ORC3: variants seen among roughly 807,000 people sequenced by gnomAD.
The protein encoded by ORC3 is origin recognition complex subunit 3, also known as homolog of latheo, Drosophila.
A neutral mutation model predicts 100.7 loss-of-function variants in ORC3; 78 were observed. That is an observed-to-expected ratio of 0.77 (90% CI 0.65 to 0.94). The LOEUF is 0.94. Among genes scored for constraint, ORC3 ranks in the 40% least tolerant of loss-of-function variants. The pLI is 0.00. For synonymous variants in ORC3, 295 were observed against 289.3 expected, an observed-to-expected ratio of 1.02 and a Z score of -0.20; for missense variants, 789 against 823.9, an observed-to-expected ratio of 0.96 and a Z score of 0.52.
chr6:87,607,570 C>T (rs41273295), intron 5 of ORC3, 103 bp from the exon 6 acceptor site: 41,060 of 749,416 alleles, frequency 0.055, 1,376 homozygotes, highest in African/African-American at 0.24. Context: ...AAAACACATT[C>T]TACCAAAAAA....
chr6:87,616,047 G>A (rs1302399344), intron 8 of ORC3, among the ~76,000 whole-genome samples: 3 of 151,632 alleles, frequency 2.0e-5, no homozygotes, highest in Non-Finnish European at 2.9e-5. Flanking sequence ...GTTAATAGGT[G>A]GTATTTTTTT....
intron 11 of ORC3, among the ~76,000 whole-genome samples, 188 bp downstream of exon 11, chr6:87,622,201 T>C (rs939045916): frequency 2.6e-5 from 4 of 152,168 alleles, no homozygotes; most frequent in African/African-American, 9.6e-5. Context: ...GCTCTAAAAG[T>C]TGAGGCTTTT....
chr6:87,676,171 C>CAATT, the ORC3 span, among the ~76,000 whole-genome samples: 94,407 of 151,468 alleles, frequency 0.62, 30,592 homozygotes, highest in African/African-American at 0.81. Context: ...TATTTCCTAA[C>CAATT]AAAAAGGCTG....
chr6:87,602,954 A>AATACATAT (rs1554236516), intron 3 of ORC3, among the ~76,000 whole-genome samples: 1 of 95,300 alleles, frequency 1.0e-5, no homozygotes, highest in African/African-American at 4.2e-5. Context: ...ACACATATAT[A>AATACATAT]ATATATATAT....
At chr6:87,661,993 T>C (rs1770217593) in intron 16 of ORC3, among the ~76,000 whole-genome samples, 1 of 152,222 alleles carries the variant, frequency 6.6e-6, no homozygotes. Flanking sequence ...TTTTATCATC[T>C]AGCTCATAGG....
chr6:87,662,146 C>T (rs752279334), intron 16 of ORC3, among the ~76,000 whole-genome samples: 10 of 152,002 alleles, frequency 6.6e-5, no homozygotes, highest in African/African-American at 1.7e-4. Context: ...ACTTTTGGGC[C>T]GGGTGCGGTG....
rs1238697733 is a variant in ORC3, at chr6:87,667,022, C to T, written c.2035C>T (p.Arg679Trp). 10 of 1,600,108 alleles carry T rather than the reference C, an allele frequency of 6.2e-6. No homozygotes were observed. Among genetic ancestry groups the T allele is most frequent in the South Asian group, 2.3e-5 (2 of 88,398 alleles). Residue 679 changes from arginine to tryptophan, a missense_variant, in exon 20 of 20, where the codon CGG (arginine) becomes TGG (tryptophan). Physicochemically the swap from Arg to Trp is moderately radical, Grantham distance 101 (BLOSUM62 -3). Coordinates refer to ENST00000392844, the MANE Select transcript of ORC3 (RefSeq NM_012381.4). ...TTCCTTAATTAAAGCCTCCAGTGCT[C>T]GGTTTATTAGAGCTGTTTCTGAACT... ...SEEMNEIIHA[R>W]FIRAVSELEL...
intron 13 of ORC3, among the ~76,000 whole-genome samples, chr6:87,645,209 A>G (rs1456796876): frequency 6.6e-6 from 1 of 152,214 alleles, no homozygotes; most frequent in African/African-American, 2.4e-5. Context: ...TGGTCAAATC[A>G]TTGACATGAA....
intron 16 of ORC3, among the ~76,000 whole-genome samples, chr6:87,662,718 C>A (rs1770286842): frequency 1.3e-5 from 2 of 152,048 alleles, no homozygotes; most frequent in Non-Finnish European, 2.9e-5. Context: ...TATACAGCTT[C>A]TTATAAAGAG....
the ORC3 span, chr6:87,675,859 C>G: frequency 6.2e-7 from 1 of 1,612,938 alleles, no homozygotes; most frequent in Non-Finnish European, 8.5e-7. Flanking sequence ...GAAATACTTA[C>G]AGCTAGCAGG....
intron 1 of ORC3, among the ~76,000 whole-genome samples, chr6:87,590,595 AAGTGTT>A (rs1176632605): frequency 1.3e-5 from 2 of 152,204 alleles, no homozygotes; most frequent in Non-Finnish European, 2.9e-5. Flanking sequence ...CACAAATTTT[AAGTGTT>A]AGCAAGGAAA....
At chr6:87,655,751 C>T (rs1769637704) in intron 14 of ORC3, among the ~76,000 whole-genome samples, 1 of 151,840 alleles carries the variant, frequency 6.6e-6, no homozygotes, top group African/African-American at 2.4e-5. Context: ...ATCCTCACAC[C>T]ATGGCCTCCC....
intron 8 of ORC3, among the ~76,000 whole-genome samples, chr6:87,612,622 A>G (rs894328712): frequency 1.3e-5 from 2 of 151,994 alleles, no homozygotes; most frequent in Non-Finnish European, 2.9e-5. Context: ...TCTAATTTTT[A>G]TTTTTTTGAG....
Position 87,621,353 on chromosome 6 carries a change from G to T in ORC3, c.988-1G>T. On this transcript the variant is annotated splice_acceptor_variant, in intron 9 of 19. Transcript: ENST00000392844. LOFTEE classifies it high-confidence loss of function. ...ATGTTTAATCTTCACATGTCTTTCA[G>T]CTTTCTCTATTAGAGCATTTCTATT... 1 of 1,509,276 alleles carries T rather than the reference G, an allele frequency of 6.6e-7. No homozygotes were observed. Among genetic ancestry groups the T allele is most frequent in the Non-Finnish European group, 8.8e-7 (1 of 1,134,236 alleles). 93.5% of individuals were successfully genotyped at this position (1,509,276 alleles called of 1,614,324 possible).
intron 7 of ORC3, among the ~76,000 whole-genome samples, chr6:87,611,048 C>T (rs1778728369): frequency 6.6e-6 from 1 of 151,342 alleles, no homozygotes; most frequent in African/African-American, 2.4e-5. Flanking sequence ...GCAGTCCTCC[C>T]TTCTCAGGTC....
Position 87,667,100 on chromosome 6 carries a change from A to G in ORC3, c.2113A>G (p.Arg705Gly). The G allele has an allele frequency of 6.2e-7, 1 of 1,606,912 alleles. No individual in the cohort carries two copies. Among genetic ancestry groups the G allele is most frequent in the Non-Finnish European group, 8.5e-7 (1 of 1,175,428 alleles). The change falls in exon 20 of 20, where the codon AGA becomes GGA. Residue 705 changes from arginine (R) to glycine (G), a missense_variant. Physicochemically the swap from Arg to Gly is moderately radical, Grantham distance 125. This residue lies in a region of ORC3 where 366 missense variants were observed against 394.2 expected (regional missense o/e 0.93). Transcript: ENST00000392844. The part of the protein sequence containing the change: ...PTKQKTDHVA[R>G]LTWGGC ...CAAACAGAAGACTGACCATGTGGCA[A>G]GACTAACATGGGGAGGCTGCTAGAA...
At chr6:87,652,563 G>A (rs1345051979) in intron 13 of ORC3, among the ~76,000 whole-genome samples, 1 of 152,186 alleles carries the variant, frequency 6.6e-6, no homozygotes, top group African/African-American at 2.4e-5. Context: ...TAGTTTAAAT[G>A]GTGATAATTA....
At chr6:87,675,736 T>C in the ORC3 span, 1 of 1,452,052 alleles carries the variant, frequency 6.9e-7, no homozygotes, top group Non-Finnish European at 9.5e-7. Flanking sequence ...ATGCTGCCTA[T>C]TTCCTCCATA....
At chr6:87,615,865 A>G (rs1779119293) in intron 8 of ORC3, among the ~76,000 whole-genome samples, 1 of 152,240 alleles carries the variant, frequency 6.6e-6, no homozygotes, top group African/African-American at 2.4e-5. Context: ...TACTTTTGAA[A>G]TAGACATCTG....
Sources: allele counts gnomAD v4.1 joint callset (sites outside exome capture counted in the v4.1 genomes callset), GRCh38; gene constraint gnomAD v4.1.1; regional missense constraint gnomAD v4.1.1; transcripts MANE v1.5; gene names NCBI Gene and HGNC (gene_info 2026-07-23, HGNC 2026-07-21).